The following MAP4K4 variants were observed in gnomAD, a reference collection of about 807,000 sequenced individuals.
The protein encoded by MAP4K4 is mitogen-activated protein kinase kinase kinase kinase 4, also known as HPK/GCK-like kinase HGK.
Under a neutral mutation model 189.6 loss-of-function variants are expected in MAP4K4, and 38 were observed. That is an observed-to-expected ratio of 0.20 (90% confidence interval 0.15 to 0.26). The LOEUF (loss-of-function observed/expected upper bound fraction) is 0.26. Ranked by LOEUF, MAP4K4 falls within the 10% of genes least tolerant of loss-of-function variation. The pLI is 1.00. For missense variants in MAP4K4, 1,054 were observed against 1,726.9 expected, an observed-to-expected ratio of 0.61 and a Z score of 6.91; for synonymous variants, 610 against 624.3, an observed-to-expected ratio of 0.98 and a Z score of 0.34.
chr2:101,834,246 C>CCCTCT (rs1303207811), intron 7 of MAP4K4, among the ~76,000 whole-genome samples, 163 bp from the exon 8 acceptor site: 1 of 148,532 alleles, frequency 6.7e-6, no homozygotes, highest in Non-Finnish European at 1.5e-5. Flanking sequence ...TCCTCCCCTC[C>CCCTCT]CCTCCCCTCC....
At chr2:101,847,534 T>G (rs2097147776) in intron 12 of MAP4K4, among the ~76,000 whole-genome samples, 1 of 152,222 alleles carries the variant, frequency 6.6e-6, no homozygotes, top group Non-Finnish European at 1.5e-5. Flanking sequence ...TAGGCTAATG[T>G]GTATGTTTGT....
At chr2:101,821,875 T>TTC (rs1421903442) in intron 3 of MAP4K4, among the ~76,000 whole-genome samples, 2 of 152,256 alleles carry the variant, frequency 1.3e-5, no homozygotes, top group Non-Finnish European at 2.9e-5. Flanking sequence ...AATATCTTTG[T>TTC]AAGCTTTTTT....
At chr2:101,850,564 TAGG>T (rs2097253465) in intron 12 of MAP4K4, among the ~76,000 whole-genome samples, 1 of 152,200 alleles carries the variant, frequency 6.6e-6, no homozygotes, top group East Asian at 1.9e-4. Flanking sequence ...TATCTAACAT[TAGG>T]AGTACATGTT....
At chr2:101,745,608 A>G (rs1302852568) in intron 2 of MAP4K4, among the ~76,000 whole-genome samples, 2 of 152,066 alleles carry the variant, frequency 1.3e-5, no homozygotes, top group Admixed American at 6.5e-5. Flanking sequence ...TTACCTGCAC[A>G]CTTTTGGGGG....
intron 2 of MAP4K4, among the ~76,000 whole-genome samples, chr2:101,748,241 C>T (rs751029897): frequency 2.0e-5 from 3 of 152,120 alleles, no homozygotes; most frequent in Non-Finnish European, 4.4e-5. Flanking sequence ...GCTGATTAAG[C>T]AAGGAAGCAC....
chr2:101,799,162 C>T (rs2094117660), intron 3 of MAP4K4, among the ~76,000 whole-genome samples: 1 of 152,154 alleles, frequency 6.6e-6, no homozygotes, highest in African/African-American at 2.4e-5. Context: ...CATATCCTGC[C>T]TTTTTCCCCA....
exon 33 of MAP4K4, chr2:101,892,494 T>C (rs1257371481): frequency 1.1e-5 from 2 of 184,578 alleles, no homozygotes; most frequent in African/African-American, 4.8e-5. Context: ...CTCATTGTTC[T>C]CGATGTAGAG....
intron 12 of MAP4K4, 30 bp downstream of exon 12, chr2:101,844,341 G>T: frequency 6.5e-7 from 1 of 1,543,624 alleles, no homozygotes; most frequent in South Asian, 1.2e-5. Flanking sequence ...CAAGTTGGTT[G>T]GTCTTTTCTC....
intron 3 of MAP4K4, among the ~76,000 whole-genome samples, chr2:101,815,811 G>T (rs555924702): frequency 2.0e-5 from 3 of 152,084 alleles, no homozygotes; most frequent in African/African-American, 7.2e-5. Flanking sequence ...TCTAGCCAAC[G>T]GCAGGAGGCA....
At chr2:101,782,880 C>T (rs762025475) in intron 2 of MAP4K4, among the ~76,000 whole-genome samples, 9 of 152,118 alleles carry the variant, frequency 5.9e-5, no homozygotes, top group Non-Finnish European at 1.3e-4. Context: ...AAAAGAACAC[C>T]TATGAGTGAG....
At chr2:101,845,834 A>T (rs1422597549) in intron 12 of MAP4K4, among the ~76,000 whole-genome samples, 1 of 151,144 alleles carries the variant, frequency 6.6e-6, no homozygotes, top group Non-Finnish European at 1.5e-5. Context: ...CACAGACATT[A>T]TTGTTTTACC....
intron 2 of MAP4K4, among the ~76,000 whole-genome samples, chr2:101,728,761 C>T (rs1418787658): frequency 2.0e-5 from 3 of 152,188 alleles, no homozygotes; most frequent in African/African-American, 7.2e-5. Flanking sequence ...TCAAGTGATC[C>T]ACCCACCGCT....
intron 3 of MAP4K4, among the ~76,000 whole-genome samples, chr2:101,809,934 T>C (rs530451286): frequency 1.3e-5 from 2 of 152,372 alleles, no homozygotes; most frequent in African/African-American, 4.8e-5. Flanking sequence ...TAATGCCAAA[T>C]ATACTTACTT....
chr2:101,738,524 TTTGTAGAGTGAAAGAAATCGAC>T (rs1205758202), intron 2 of MAP4K4, among the ~76,000 whole-genome samples: 2 of 152,132 alleles, frequency 1.3e-5, no homozygotes, highest in Non-Finnish European at 2.9e-5. Flanking sequence ...TGGGAGTCGA[TTTGTAGAGTGAAAGAAATCGAC>T]TTGTAGAGTG....
chr2:101,837,646 G>A (rs1451653163), intron 9 of MAP4K4, among the ~76,000 whole-genome samples: 1 of 152,072 alleles, frequency 6.6e-6, no homozygotes, highest in Non-Finnish European at 1.5e-5. Context: ...TGTGGAGCTG[G>A]AGTAACTCTA....
intron 2 of MAP4K4, among the ~76,000 whole-genome samples, chr2:101,724,636 A>G (rs183922518): frequency 2.0e-4 from 30 of 152,342 alleles, no homozygotes; most frequent in Non-Finnish European, 1.5e-5. Flanking sequence ...TTAGGAGGGA[A>G]TGAAAACAGG....
At chr2:101,824,173 T>C (rs1427571945) in intron 4 of MAP4K4, 120 bp downstream of exon 4, 22 of 1,025,760 alleles carry the variant, frequency 2.1e-5, no homozygotes, top group Non-Finnish European at 1.4e-6. Context: ...GGGCAGTAAG[T>C]AGCTGGCAGG....
At chr2:101,863,938 T>C (rs780841544) in exon 17 of MAP4K4, 23 of 1,367,726 alleles carry the variant, frequency 1.7e-5, no homozygotes, top group Middle Eastern at 2.1e-4. Context: ...TCAGGACCCA[T>C]GTCCACCTTC....
chr2:101,714,059 C>T (rs554459581), intron 2 of MAP4K4, among the ~76,000 whole-genome samples: 1 of 151,580 alleles, frequency 6.6e-6, no homozygotes, highest in African/African-American at 2.4e-5. Context: ...TAGAGACAAA[C>T]CTCAAATCCA....
Sources: allele counts gnomAD v4.1 joint callset (sites outside exome capture counted in the v4.1 genomes callset), GRCh38; gene constraint gnomAD v4.1.1; transcripts MANE v1.5; gene names NCBI Gene and HGNC (gene_info 2026-07-23, HGNC 2026-07-21).